The following PPFIA4 variants were observed in gnomAD, a reference collection of about 807,000 sequenced individuals.
PPFIA4 encodes the protein liprin-alpha-4.
A neutral mutation model predicts 145.7 loss-of-function variants in PPFIA4; 98 were observed. That is an observed-to-expected ratio of 0.67 (90% CI 0.57 to 0.80). The LOEUF is 0.80. PPFIA4 is among the 30% of genes least tolerant of loss of function. The pLI is 0.00. For missense variants in PPFIA4, 1,457 were observed against 1,632.7 expected, an observed-to-expected ratio of 0.89 and a Z score of 1.85; for synonymous variants, 628 against 649.6, an observed-to-expected ratio of 0.97 and a Z score of 0.51.
At chr1:203,063,722 A>T (rs117071081) in intron 24 of PPFIA4, 106 bp from the exon 25 acceptor site, 1 of 1,126,842 alleles carries the variant, frequency 8.9e-7, no homozygotes, top group African/African-American at 1.5e-5. Flanking sequence ...TTCCTCCCTC[A>T]TGGGTGGAGG....
chr1:203,045,401 C>T lies in PPFIA4; in HGVS notation c.700C>T (p.Leu234Phe), dbSNP rs748008294. 188 of 1,607,358 alleles carry T rather than the reference C, an allele frequency of 1.2e-4. No homozygotes were observed. Among genetic ancestry groups the T allele is most frequent in the Non-Finnish European group, 1.5e-4 (176 of 1,177,718 alleles). Residue 234 changes from leucine (L) to phenylalanine (F), a missense_variant, in exon 7 of 30, where the codon CTC (leucine) becomes TTC (phenylalanine). By Grantham distance (22) the Leu-to-Phe change is conservative (BLOSUM62 0). Coordinates refer to ENST00000295706, the MANE Select transcript of PPFIA4 (RefSeq NM_001304331.2). ...DTGRVEELQE[L>F]LEKQNFELSQ... is the part of the protein sequence containing the mutation. ...GGGCCGGGTAGAGGAGCTGCAGGAG[C>T]TCCTGGAGAAGCAGAACTTTGAGTT...
At chr1:203,051,343 G>A (rs1269560547) in intron 13 of PPFIA4, 12 of 986,224 alleles carry the variant, frequency 1.2e-5, no homozygotes, top group Non-Finnish European at 1.4e-5. Context: ...GACCCTCAGA[G>A]TGAAAAGGGC....
chr1:203,061,622 C>T, intron 23 of PPFIA4, 30 bp from the exon 24 acceptor site: 1 of 1,553,832 alleles, frequency 6.4e-7, no homozygotes, highest in African/African-American at 1.4e-5. Flanking sequence ...TTGCCTGTTT[C>T]CCCTAACACG....
chr1:203,060,024 C>T lies in PPFIA4; in HGVS notation c.2583+173C>T, dbSNP rs576549424. On this transcript the variant is annotated intron_variant, in intron 21 of 29. Coordinates refer to ENST00000295706, the MANE Select transcript of PPFIA4 (RefSeq NM_001304331.2). This position sits in a 1 kb window ranked among gnomAD's most constrained non-coding sequence, Gnocchi z 4.8. ...CTCCCCAACACACACACATACCAGT[C>T]GCAGGAGAGAGTTGATGCTACTTTT... Among the ~76,000 whole-genome samples, 14 of 152,240 alleles carry T rather than the reference C, an allele frequency of 9.2e-5. No individual in the cohort carries two copies. The East Asian group carries it at 1.9e-3, about 21-fold the overall frequency.
chr1:203,051,645 CTG>C (rs1660513957), intron 13 of PPFIA4, 122 bp from the exon 14 acceptor site: 1 of 1,473,508 alleles, frequency 6.8e-7, no homozygotes. Context: ...TGTGACAGCT[CTG>C]TGTCCTGCTA....
intron 23 of PPFIA4, chr1:203,061,347 T>C (rs1661340618): frequency 1.9e-6 from 1 of 531,062 alleles, no homozygotes; most frequent in Non-Finnish European, 3.3e-6. Context: ...ACAGAGTCTC[T>C]GCCCTTGTGC....
At chr1:203,054,898 A>G (rs574128806) in intron 15 of PPFIA4, among the ~76,000 whole-genome samples, 2 of 152,330 alleles carry the variant, frequency 1.3e-5, no homozygotes, top group Non-Finnish European at 2.9e-5. Flanking sequence ...GGGAGTGGGC[A>G]TCTTTACTGG....
At chr1:203,030,154 G>C (rs1374864677) in intron 1 of PPFIA4, among the ~76,000 whole-genome samples, 1 of 152,206 alleles carries the variant, frequency 6.6e-6, no homozygotes, top group Non-Finnish European at 1.5e-5. Context: ...TCATTTGATA[G>C]TGAGCTGCTT....
At chr1:203,027,393 ATGGTGTAGG>A (rs1432867076) in intron 1 of PPFIA4, among the ~76,000 whole-genome samples, 1 of 152,156 alleles carries the variant, frequency 6.6e-6, no homozygotes, top group African/African-American at 2.4e-5. Flanking sequence ...ACTTGGAGAC[ATGGTGTAGG>A]TGGTTTTCTT....
chr1:203,072,850 T>TG (rs1419544514), intron 28 of PPFIA4, among the ~76,000 whole-genome samples: 1 of 152,158 alleles, frequency 6.6e-6, no homozygotes, highest in Admixed American at 6.5e-5. Context: ...GTATTTTTTT[T>TG]GGTTATTTAG....
chr1:203,034,918 T>C (rs994199588), intron 1 of PPFIA4: 1 of 348,250 alleles, frequency 2.9e-6, no homozygotes, highest in Non-Finnish European at 5.7e-6. Context: ...CTGTGTAGAC[T>C]TGGTTACATG....
Position 203,075,888 on chromosome 1 carries a change from C to T in PPFIA4, c.3574+131C>T. The T allele has an allele frequency of 1.1e-6, 1 of 943,564 alleles. No individual in the cohort carries two copies. 58.4% of individuals were successfully genotyped at this position (943,564 alleles called of 1,614,324 possible). On this transcript the variant is annotated intron_variant, in intron 29 of 29. Transcript: ENST00000295706. The surrounding 1 kb of genome is among the most constrained non-coding windows in gnomAD (Gnocchi z 4.1). ...GCCCCGCGCTCCTGCGCTGCAGCTGCACTAACGCTCCGCGGGGAGCGTGTG... is the reference window on the plus strand; with the variant it reads ...GCCCCGCGCTCCTGCGCTGCAGCTGTACTAACGCTCCGCGGGGAGCGTGTG...
Position 203,056,377 on chromosome 1 carries a change from G to A in PPFIA4, c.2109G>A (p.Ser703=), listed in dbSNP as rs776836120. 27 of 1,613,558 alleles carry A rather than the reference G, an allele frequency of 1.7e-5. No homozygotes were observed. Among genetic ancestry groups the A allele is most frequent in the South Asian group, 2.2e-5 (2 of 91,026 alleles). The change falls in exon 18 of 30, where the codon TCG becomes TCA. Residue 703 remains serine, a splice_region_variant and synonymous_variant. Transcript: ENST00000295706. Reference sequence around the variant, plus strand: ...TGACGGCTCCACTGTCTGTTCAGTCGCCAGTGTCTCGGGAAGAGAACCGAG... The same window carrying A: ...TGACGGCTCCACTGTCTGTTCAGTCACCAGTGTCTCGGGAAGAGAACCGAG... The part of the protein sequence containing the change: ...DLRKHRRKLL[S]PVSREENRED...
At chr1:203,044,618 AG>A in intron 5 of PPFIA4, 77 bp from the exon 6 acceptor site, 3 of 1,438,120 alleles carry the variant, frequency 2.1e-6, no homozygotes, top group Non-Finnish European at 2.8e-6. Context: ...TAACTAAGAC[AG>A]GGGCTTTGGA....
chr1:203,046,429 G>A lies in PPFIA4; in HGVS notation c.1140+47G>A, dbSNP rs1332808276. On this transcript the variant is annotated intron_variant, in intron 9 of 29. Transcript: ENST00000295706. ...GATCTGCCTCTGTCCCCCATGTTCT[G>A]AGCTCTCAGGGAGCCAGGCAGGGAA... The A allele has an allele frequency of 1.1e-5, 17 of 1,534,262 alleles. No individual in the cohort carries two copies. In the South Asian group the frequency reaches 1.8e-4, roughly 17 times the overall value.
rs763589398 is a variant in PPFIA4 at position 203,056,497 on chromosome 1, A to G, written c.2229A>G (p.Glu743=). The change falls in exon 18 of 30, where the codon GAA becomes GAG. Residue 743 remains glutamate (E), a synonymous_variant. Coordinates refer to ENST00000295706, the MANE Select transcript of PPFIA4 (RefSeq NM_001304331.2). ...TTGGCCACCCAGCCCTGAGCCAGGA[A>G]GAAGGCAAGAGGTAAGTAGAGCAGA... ...EKLGHPALSQ[E]EGKSALEDQG... The G allele has an allele frequency of 1.9e-6, 3 of 1,613,640 alleles. No homozygotes were observed. Among genetic ancestry groups the G allele is most frequent in the Admixed American group, 1.7e-5 (1 of 59,958 alleles).
At chr1:203,067,637 A>T (rs1661823051) in intron 25 of PPFIA4, 58 bp from the exon 26 acceptor site, 2 of 1,439,060 alleles carry the variant, frequency 1.4e-6, no homozygotes, top group African/African-American at 2.8e-5. Flanking sequence ...GATGTGAGAC[A>T]GGTGGTGTGG....
chr1:203,076,431 A>G lies in PPFIA4; in HGVS notation c.*41A>G. 2.5e-6 allele frequency: 4 copies of G among 1,582,452 alleles called. No individual in the cohort carries two copies. The highest frequency in any genetic ancestry group is 3.5e-6 in the Non-Finnish European group (4 of 1,157,402). ...CTGGCTTCCTCCTTCTGGGTTTCACAGGCTCCTCTGGCCCTGACCCCTCTT... is the reference window on the plus strand; with the variant it reads ...CTGGCTTCCTCCTTCTGGGTTTCACGGGCTCCTCTGGCCCTGACCCCTCTT... On this transcript the variant is annotated 3_prime_UTR_variant, in exon 30 of 30. Coordinates refer to ENST00000295706, the MANE Select transcript of PPFIA4 (RefSeq NM_001304331.2).
At chr1:203,070,702 GTC>G (rs1662094674) in intron 27 of PPFIA4, among the ~76,000 whole-genome samples, 1 of 152,054 alleles carries the variant, frequency 6.6e-6, no homozygotes, top group African/African-American at 2.4e-5. Flanking sequence ...CCTAGAGAGA[GTC>G]TGTATGCACA....
Sources: gnomAD v4.1 joint callset for allele counts (sites outside exome capture counted in the v4.1 genomes callset) on GRCh38, gnomAD v4.1.1 for gene constraint, Gnocchi (gnomAD v3.1) non-coding constraint, MANE v1.5 for transcripts, NCBI Gene and HGNC (gene_info 2026-07-23, HGNC 2026-07-21) for gene names.